KANSL2: variants seen among roughly 807,000 people sequenced by gnomAD.
The protein encoded by KANSL2 is NSL complex protein NSL2.
KANSL2 carries 34 observed loss-of-function variants against 55.6 expected under a neutral mutation model. That is an observed-to-expected ratio of 0.61 (90% CI 0.46 to 0.81). The LOEUF is 0.81. Ranked by LOEUF, KANSL2 falls within the 40% of genes least tolerant of loss-of-function variation. KANSL2 has a pLI of 0.00. For synonymous variants in KANSL2, 209 were observed against 214.3 expected (o/e 0.98, Z 0.22); for missense variants, 502 against 609.9 (o/e 0.82, Z 1.86).
chr12:48,653,924 T>C lies in KANSL2; in HGVS notation c.*120A>G. On this transcript the variant is annotated 3_prime_UTR_variant, in exon 10 of 10. Transcript: ENST00000420613. The stretch of plus-strand genomic sequence containing the variant: ...TTGGCTTTACGTTTGACTATAATAC[T>C]CAATCCAGAAGAAAAACAAGGTAGT... 9.0e-7 allele frequency: 1 copy of C among 1,114,084 alleles called. No individual in the cohort carries two copies. The highest frequency in any genetic ancestry group is 1.8e-5 in the South Asian group (1 of 56,914). 69.0% of individuals were successfully genotyped at this position (1,114,084 alleles called of 1,614,324 possible).
intron 8 of KANSL2, among the ~76,000 whole-genome samples, chr12:48,655,398 G>A (rs890588438): frequency 3.3e-5 from 5 of 151,350 alleles, no homozygotes; most frequent in East Asian, 2.0e-4. Context: ...GTGAAACCCC[G>A]TCTCTACAAA....
At chr12:48,677,181 T>G (rs570574834) in intron 4 of KANSL2, among the ~76,000 whole-genome samples, 1 of 152,260 alleles carries the variant, frequency 6.6e-6, no homozygotes, top group African/African-American at 2.4e-5. Flanking sequence ...CTGACCATAT[T>G]TGGGGCTTTA....
intron 6 of KANSL2, 128 bp from the exon 7 acceptor site, chr12:48,667,917 C>A: frequency 2.9e-6 from 2 of 681,592 alleles, no homozygotes; most frequent in Non-Finnish European, 2.5e-6. Context: ...AATAGATTCA[C>A]CAATATTATG....
At chr12:48,659,024 T>C (rs1440202962) in intron 8 of KANSL2, among the ~76,000 whole-genome samples, 1 of 152,172 alleles carries the variant, frequency 6.6e-6, no homozygotes, top group African/African-American at 2.4e-5. Flanking sequence ...CCAGGAATGG[T>C]GAATCATGCC....
In KANSL2 at chr12:48,678,991, C is replaced by T. The variant is rs764963592; in HGVS notation, c.545+45G>A. On this transcript the variant is annotated intron_variant, in intron 4 of 9. Transcript: ENST00000420613. ...TAACAGCATGCAGCACTACATTCCA[C>T]ATACTAACTACATTTCAAATGCCTT... 23 of 1,356,998 alleles carry T rather than the reference C, an allele frequency of 1.7e-5. No homozygotes were observed. In the South Asian group the frequency reaches 2.5e-4, roughly 15 times the overall value. 84.1% of individuals were successfully genotyped at this position (1,356,998 alleles called of 1,614,324 possible).
chr12:48,669,320 G>A (rs757774330), intron 5 of KANSL2, 48 bp from the exon 6 acceptor site: 27 of 1,424,020 alleles, frequency 1.9e-5, no homozygotes, highest in Non-Finnish European at 2.5e-5. Context: ...ATCCATCAAG[G>A]TTACGTCTCC....
At chr12:48,680,082 T>C (rs1042975573) in intron 2 of KANSL2, 17 of 426,730 alleles carry the variant, frequency 4.0e-5, no homozygotes, top group African/African-American at 2.0e-4. Flanking sequence ...AGGCAAGGGA[T>C]TGGGTCTTGC....
Position 48,661,324 on chromosome 12 carries a change from A to G in KANSL2, c.974-705T>C, listed in dbSNP as rs186743636. Reference sequence around the variant, plus strand: ...TAGAAACATTCCAAGGACTCTATTAACAACTTTTGTTAAAGGTAGAAGAAG... The same window carrying G: ...TAGAAACATTCCAAGGACTCTATTAGCAACTTTTGTTAAAGGTAGAAGAAG... On this transcript the variant is annotated intron_variant, in intron 7 of 9. Transcript: ENST00000420613. The G allele has an allele frequency of 4.7e-5, 20 of 429,636 alleles. No homozygotes were observed. In the East Asian group the frequency reaches 2.9e-3, roughly 61 times the overall value. The allele number at this position is 429,636 out of a possible 1,614,324, so 26.6% of individuals were successfully genotyped here.
intron 8 of KANSL2, among the ~76,000 whole-genome samples, chr12:48,655,388 G>C (rs1416543704): frequency 1.3e-5 from 2 of 152,038 alleles, no homozygotes; most frequent in Non-Finnish European, 2.9e-5. Flanking sequence ...GGGCAACATG[G>C]TGAAACCCCG....
intron 7 of KANSL2, chr12:48,662,470 A>G (rs1939505928): frequency 8.9e-7 from 1 of 1,125,680 alleles, no homozygotes; most frequent in African/African-American, 1.7e-5. Flanking sequence ...ATACCACAAT[A>G]TCCTAAAAAA....
In KANSL2 at chr12:48,654,696, G is replaced by A. The variant is rs929832429; in HGVS notation, c.1347+245C>T. On this transcript the variant is annotated intron_variant, in intron 9 of 9. Transcript: ENST00000420613. ...TCCTACTCTGGGATATGAGGATCAC[G>A]GGCCATTAGGTGTTCTAAGAGCCCA... Among the ~76,000 whole-genome samples the A allele has an allele frequency of 4.6e-5, 7 of 152,268 alleles. No individual in the cohort carries two copies. In the South Asian group the frequency reaches 6.2e-4, roughly 14 times the overall value.
intron 7 of KANSL2, among the ~76,000 whole-genome samples, chr12:48,666,378 T>C (rs77388107): frequency 0.023 from 3,511 of 149,874 alleles, 267 homozygotes; most frequent in Admixed American, 0.16. Flanking sequence ...ATATTGAAAA[T>C]TGACTCTACA....
intron 7 of KANSL2, 63 bp from the exon 8 acceptor site, chr12:48,660,682 A>T: frequency 6.7e-7 from 1 of 1,499,550 alleles, no homozygotes; most frequent in Non-Finnish European, 9.0e-7. Flanking sequence ...TACAAATAGC[A>T]TTGTCTGCCA....
chr12:48,674,771 C>A (rs969001735), intron 4 of KANSL2, among the ~76,000 whole-genome samples: 1 of 151,466 alleles, frequency 6.6e-6, no homozygotes, highest in African/African-American at 2.4e-5. Context: ...ACTAAAAATA[C>A]AAAAATTAGC....
At chr12:48,680,977 C>G (rs537550578) in intron 2 of KANSL2, among the ~76,000 whole-genome samples, 1 of 151,630 alleles carries the variant, frequency 6.6e-6, no homozygotes, top group African/African-American at 2.4e-5. Context: ...GCGCCGCCCC[C>G]CCGCCAAAAA....
intron 8 of KANSL2, among the ~76,000 whole-genome samples, chr12:48,656,050 AT>A (rs1277693656): frequency 6.6e-6 from 1 of 152,246 alleles, no homozygotes; most frequent in African/African-American, 2.4e-5. Context: ...ATTAATTTAA[AT>A]ATGAACAATG....
intron 2 of KANSL2, 87 bp downstream of exon 2, chr12:48,681,295 C>T: frequency 6.8e-7 from 1 of 1,460,768 alleles, no homozygotes; most frequent in South Asian, 1.4e-5. Flanking sequence ...GACAAAATCT[C>T]AAACGCGGCA....
At chr12:48,682,146 C>A (rs1939941783) in intron 1 of KANSL2, 41 bp downstream of exon 1, 1 of 702,480 alleles carries the variant, frequency 1.4e-6, no homozygotes, top group Non-Finnish European at 2.6e-6. Flanking sequence ...AAATAGCAGC[C>A]CAACCGCAAG....
At chr12:48,654,843 C>A in intron 9 of KANSL2, 98 bp downstream of exon 9, 1 of 1,264,688 alleles carries the variant, frequency 7.9e-7, no homozygotes, top group Non-Finnish European at 1.1e-6. Context: ...AGTGATGACA[C>A]CCCACTCCCC....
Sources: gnomAD v4.1 joint callset for allele counts (sites outside exome capture counted in the v4.1 genomes callset) on GRCh38, gnomAD v4.1.1 for gene constraint, MANE v1.5 for transcripts, NCBI Gene and HGNC (gene_info 2026-07-23, HGNC 2026-07-21) for gene names.